Variants in MUC6 observed in about 807,000 individuals in gnomAD.
MUC6 encodes the protein mucin 6, oligomeric mucus/gel-forming (gene/pseudogene), also known as mucin-6.
A neutral mutation model predicts 201.5 loss-of-function variants in MUC6; 188 were observed. The ratio of observed to expected loss-of-function variants is 0.93; its 90% confidence interval spans 0.83 to 1.05. The LOEUF (loss-of-function observed/expected upper bound fraction) is 1.05. MUC6 is among the 50% of genes least tolerant of loss of function. The pLI is 0.00. For missense variants in MUC6, 2,706 were observed against 3,256.9 expected (o/e 0.83, Z 4.12); for synonymous variants, 1,228 against 1,389.4 (o/e 0.88, Z 2.58).
chr11:1,019,065 C>T (rs910754609), intron 30 of MUC6, among the ~76,000 whole-genome samples: 3 of 152,232 alleles, frequency 2.0e-5, no homozygotes, highest in African/African-American at 7.2e-5. Flanking sequence ...TGGTGGCCCC[C>T]ACCCTCCTGC....
At chr11:1,025,973 C>T (rs1458183694) in intron 21 of MUC6, 27 bp downstream of exon 21, 2 of 1,589,708 alleles carry the variant, frequency 1.3e-6, no homozygotes, top group Admixed American at 1.8e-5. Flanking sequence ...GGTCCCCGGC[C>T]CCTGCGGCCT....
At chr11:1,032,802 A>G (rs1857139539) in intron 2 of MUC6, among the ~76,000 whole-genome samples, 1 of 144,940 alleles carries the variant, frequency 6.9e-6, no homozygotes, top group South Asian at 2.2e-4. Flanking sequence ...TGCATGTGTC[A>G]TGTACATGTG....
chr11:1,035,115 A>T (rs1209780145), intron 1 of MUC6, among the ~76,000 whole-genome samples: 4 of 152,108 alleles, frequency 2.6e-5, no homozygotes, highest in Non-Finnish European at 4.4e-5. Flanking sequence ...CTCCCGGCCC[A>T]CCGCGGCCCA....
rs765785155 is a variant in MUC6 at position 1,026,075 on chromosome 11, G to T, written c.2613C>A (p.Tyr871Ter). The change falls in exon 21 of 33, where the codon TAC (tyrosine) becomes TAA (stop). Residue 871 changes from tyrosine to a stop codon, truncating the protein, a stop_gained. Transcript: ENST00000421673. LOFTEE classifies it high-confidence loss of function. ...GTHCPSTCTL[Y>*]GEGHVITFDG... ...CGAAGGTGATGACGTGGCCCTCCCC[G>T]TAGAGGGTGCAGGTGGATGGGCAGT... is the stretch of plus-strand genomic sequence containing the variant. 3.1e-6 allele frequency: 5 copies of T among 1,597,926 alleles called. No individual in the cohort carries two copies. The highest frequency in any genetic ancestry group is 4.3e-6 in the Non-Finnish European group (5 of 1,172,924).
In MUC6 at chr11:1,025,915, C is replaced by T; in HGVS notation, c.2689G>A (p.Asp897Asn). The T allele has an allele frequency of 6.2e-7, 1 of 1,609,168 alleles. No homozygotes were observed. Among genetic ancestry groups the T allele is most frequent in the Non-Finnish European group, 8.5e-7 (1 of 1,178,214 alleles). ...TGTGAGTCGTTGACACCACAGACGTCCTGCAGGGAGAGGGCGCTGAGGAGG... is the reference window on the plus strand; with the variant it reads ...TGTGAGTCGTTGACACCACAGACGTTCTGCAGGGAGAGGGCGCTGAGGAGG... ...DGNCEYILAT[D>N]VCGVNDSQPT... Residue 897 changes from aspartate (D) to asparagine (N), a missense_variant and splice_region_variant, in exon 22 of 33, where the codon GAC becomes AAC. This residue lies in a region of MUC6 where 1,850 missense variants were observed against 1,958.3 expected (regional missense o/e 0.94). Coordinates refer to ENST00000421673, the MANE Select transcript of MUC6 (RefSeq NM_005961.3).
rs907105407 is a variant in MUC6, at chr11:1,015,663, G to A, written c.7039+99C>T. The A allele has an allele frequency of 5.2e-5, 77 of 1,475,174 alleles. No individual in the cohort carries two copies. The Middle Eastern group carries it at 7.2e-4, about 14-fold the overall frequency. 91.4% of individuals were successfully genotyped at this position (1,475,174 alleles called of 1,614,324 possible). Reference sequence around the variant, plus strand: ...GGCAGGGAACAGGCGTGTGGTCCTGGGATCACAGGACCATGAGGGGTAAGC... The same window carrying A: ...GGCAGGGAACAGGCGTGTGGTCCTGAGATCACAGGACCATGAGGGGTAAGC... On this transcript the variant is annotated intron_variant, in intron 31 of 32. Transcript: ENST00000421673.
intron 13 of MUC6, 128 bp from the exon 14 acceptor site, chr11:1,028,515 C>T: frequency 6.5e-7 from 1 of 1,529,582 alleles, no homozygotes; most frequent in Non-Finnish European, 8.8e-7. Flanking sequence ...GCCACACGTG[C>T]CTGTTACCCC....
chr11:1,023,744 T>G, intron 25 of MUC6, 92 bp from the exon 26 acceptor site: 1 of 1,541,418 alleles, frequency 6.5e-7, no homozygotes, highest in Non-Finnish European at 8.8e-7. Context: ...GGAACCTGAG[T>G]GTGGGCGGGG....
rs181013637 is a variant in MUC6 at position 1,019,802 on chromosome 11, C to T, written c.3808+288G>A. 1.8e-4 allele frequency: 115 copies of T among 626,490 alleles called. No individual in the cohort carries two copies. In the East Asian group the frequency reaches 1.9e-3, roughly 10 times the overall value. 38.8% of individuals were successfully genotyped at this position (626,490 alleles called of 1,614,324 possible). ...CCTGGGCAGCAGATGGGGCCCTGCT[C>T]GGTGTGGGGCAGGGGCAGGCTGCCT... On this transcript the variant is annotated intron_variant, in intron 29 of 32. Coordinates refer to ENST00000421673, the MANE Select transcript of MUC6 (RefSeq NM_005961.3).
Position 1,029,208 on chromosome 11 carries a change from G to C in MUC6, c.1275+20C>G. ...GTCACCGGGAGCGCCCCTCCCCACG[G>C]GCCACAGGGCTCGTCCTACCTGGAG... On this transcript the variant is annotated intron_variant, in intron 10 of 32. Transcript: ENST00000421673. 1 of 1,606,274 alleles carries C rather than the reference G, an allele frequency of 6.2e-7. No homozygotes were observed. The highest frequency in any genetic ancestry group is 2.2e-5 in the East Asian group (1 of 44,626).
At chr11:1,028,480 G>T in intron 13 of MUC6, 93 bp from the exon 14 acceptor site, 1 of 1,549,326 alleles carries the variant, frequency 6.5e-7, no homozygotes, top group Non-Finnish European at 8.7e-7. Flanking sequence ...TCCTCTAACA[G>T]CACCCTGGGT....
At chr11:1,022,932 G>A (rs1403070856) in intron 26 of MUC6, among the ~76,000 whole-genome samples, 8 of 151,982 alleles carry the variant, frequency 5.3e-5, no homozygotes, top group Non-Finnish European at 1.2e-4. Flanking sequence ...GTGAATGTGC[G>A]TGAGTGAACA....
Position 1,027,339 on chromosome 11 carries a change from C to G in MUC6, c.2160G>C (p.Gln720His). The stretch of plus-strand genomic sequence containing the variant: ...TGTAACCCTCCAGTATGCACGGGCA[C>G]TGGGCCTTGCGCACACACTCGCCCT... ...NQKGECVRKA[Q>H]CPCILEGYKF... Residue 720 changes from glutamine (Q) to histidine (H), a missense_variant, in exon 17 of 33, where the codon CAG (glutamine) becomes CAC (histidine). Transcript: ENST00000421673. 6.2e-7 allele frequency: 1 copy of G among 1,613,038 alleles called. No individual in the cohort carries two copies. The highest frequency in any genetic ancestry group is 1.1e-5 in the South Asian group (1 of 91,082).
chr11:1,020,227 G>T lies in MUC6; in HGVS notation c.3671C>A (p.Thr1224Lys). 1 of 1,610,258 alleles carries T rather than the reference G, an allele frequency of 6.2e-7. No homozygotes were observed. Residue 1224 changes from threonine to lysine, a missense_variant, in exon 29 of 33, where the codon ACG becomes AAG. Physicochemically the swap from Thr to Lys is moderately conservative, Grantham distance 78. Transcript: ENST00000421673. ...GSRPTQVWPM[T>K]GTSTTIGLLS... ...AAGCCCGATGGTGGTGGAGGTTCCCGTCATGGGCCAGACTTGCGTGGGCCG... is the reference window on the plus strand; with the variant it reads ...AAGCCCGATGGTGGTGGAGGTTCCCTTCATGGGCCAGACTTGCGTGGGCCG...
In MUC6 at chr11:1,013,897, A is replaced by T; in HGVS notation, c.7142+2T>A. On this transcript the variant is annotated splice_donor_variant, in intron 32 of 32. Coordinates refer to ENST00000421673, the MANE Select transcript of MUC6 (RefSeq NM_005961.3). LOFTEE classifies it high-confidence loss of function. ...GGGCAGGCCTCCCACCTGTGGACTC[A>T]CCTGGCAGCGGAAATGCAGGCGCCC... 6.2e-7 allele frequency: 1 copy of T among 1,601,866 alleles called. No individual in the cohort carries two copies. The highest frequency in any genetic ancestry group is 1.3e-5 in the African/African-American group (1 of 74,792).
At chr11:1,021,992 G>A (rs952906520) in intron 26 of MUC6, among the ~76,000 whole-genome samples, 4 of 150,040 alleles carry the variant, frequency 2.7e-5, no homozygotes, top group Non-Finnish European at 5.9e-5. Flanking sequence ...CCTCCCTCCC[G>A]GCCACACCCC....
chr11:1,032,042 C>A lies in MUC6; in HGVS notation c.127G>T (p.Gly43Cys). 6.2e-7 allele frequency: 1 copy of A among 1,613,270 alleles called. No homozygotes were observed. Among genetic ancestry groups the A allele is most frequent in the South Asian group, 1.1e-5 (1 of 91,060 alleles). The change falls in exon 3 of 33, where the codon GGC becomes TGC. Residue 43 changes from glycine to cysteine, a missense_variant. Transcript: ENST00000421673. The part of the protein sequence containing the change: ...KDSPQTAPDK[G>C]QCSTWGAGHF... ...CCAGCCCCCCACGTGGAGCACTGGC[C>A]TTTGTCCGGGGCTACAGAGAGAGCA...
chr11:1,031,294 C>T, intron 4 of MUC6, 35 bp from the exon 5 acceptor site: 2 of 1,540,640 alleles, frequency 1.3e-6, no homozygotes, highest in Non-Finnish European at 1.7e-6. Context: ...GCCCGGGGGC[C>T]AGGGGCCCCC....
At chr11:1,031,477 G>C in intron 4 of MUC6, 130 bp downstream of exon 4, 1 of 1,425,416 alleles carries the variant, frequency 7.0e-7, no homozygotes, top group South Asian at 1.4e-5. Context: ...GCACTGCTTG[G>C]CACGAAGGGC....
Sources: gnomAD v4.1 joint callset for allele counts (sites outside exome capture counted in the v4.1 genomes callset) on GRCh38, gnomAD v4.1.1 for gene constraint, gnomAD v4.1.1 regional missense constraint, MANE v1.5 for transcripts, NCBI Gene and HGNC (gene_info 2026-07-23, HGNC 2026-07-21) for gene names.